Variants in GALNT13 observed in about 807,000 individuals in gnomAD.
The protein encoded by GALNT13 is polypeptide N-acetylgalactosaminyltransferase 13.
GALNT13 carries 28 observed loss-of-function variants against 64.2 expected under a neutral mutation model. The ratio of observed to expected loss-of-function variants is 0.44; its 90% CI spans 0.32 to 0.60. The LOEUF is 0.60. GALNT13 is among the 20% of genes least tolerant of loss of function. GALNT13 has a pLI of 0.05. For missense variants in GALNT13, 577 were observed against 669.8 expected, an observed-to-expected ratio of 0.86 and a Z score of 1.53; for synonymous variants, 214 against 224.6, an observed-to-expected ratio of 0.95 and a Z score of 0.42.
At chr2:153,866,311 T>TAA in the GALNT13 span, among the ~76,000 whole-genome samples, 11 of 150,464 alleles carry the variant, frequency 7.3e-5, no homozygotes, top group East Asian at 3.9e-4. Context: ...TAAAGTATAA[T>TAA]AAAAAAAAAT....
the GALNT13 span, among the ~76,000 whole-genome samples, chr2:153,670,716 G>A: frequency 3.7e-3 from 568 of 152,302 alleles, 2 homozygotes; most frequent in African/African-American, 0.013. Context: ...CAAGTTGACA[G>A]AAGTAGGCTT....
chr2:154,277,033 G>A (rs972207477), intron 8 of GALNT13, among the ~76,000 whole-genome samples: 25 of 152,156 alleles, frequency 1.6e-4, no homozygotes, highest in African/African-American at 5.8e-4. Context: ...CATGGGAACA[G>A]ACTAATACAC....
chr2:154,259,272 C>A, intron 8 of GALNT13, 134 bp downstream of exon 8: 1 of 645,996 alleles, frequency 1.5e-6, no homozygotes, highest in Non-Finnish European at 2.7e-6. Context: ...TATCTTAATT[C>A]ACATTTTGAT....
rs1689634890 is a variant in GALNT13 at position 154,243,968 on chromosome 2, C to T, written c.686+1063C>T. Among the ~76,000 whole-genome samples the T allele has an allele frequency of 2.0e-5, 3 of 152,172 alleles. No homozygotes were observed. The South Asian group carries it at 6.2e-4, about 32-fold the overall frequency. ...AAGAAAGCAGTAGGAACCTTTTAGT[C>T]CATAGAGTGTTGTACATGGCTAATA... On this transcript the variant is annotated intron_variant, in intron 6 of 12. Transcript: ENST00000392825.
chr2:153,404,445 A>C, the GALNT13 span, among the ~76,000 whole-genome samples: 3 of 152,176 alleles, frequency 2.0e-5, no homozygotes, highest in Non-Finnish European at 4.4e-5. Context: ...TTTGTTAAGC[A>C]AGTTGTATTT....
the GALNT13 span, among the ~76,000 whole-genome samples, chr2:153,402,410 A>G: frequency 6.6e-6 from 1 of 150,590 alleles, no homozygotes; most frequent in East Asian, 1.9e-4. Flanking sequence ...TGTGTCTTGG[A>G]GTTGCTCTTC....
At chr2:153,879,619 C>T (rs576437365) in intron 1 of GALNT13, among the ~76,000 whole-genome samples, 66 of 152,024 alleles carry the variant, frequency 4.3e-4, no homozygotes, top group African/African-American at 1.5e-3. Context: ...GTAGTCCTCC[C>T]GCCTCAGCCT....
chr2:154,127,590 G>A, intron 3 of GALNT13, among the ~76,000 whole-genome samples: 1 of 151,470 alleles, frequency 6.6e-6, no homozygotes, highest in Non-Finnish European at 1.5e-5. Flanking sequence ...AAAAAGGAGA[G>A]TCAATAAAGA....
At chr2:154,115,072 T>C (rs1460832549) in intron 3 of GALNT13, among the ~76,000 whole-genome samples, 1 of 152,180 alleles carries the variant, frequency 6.6e-6, no homozygotes, top group Admixed American at 6.5e-5. Context: ...TCACAAGGCA[T>C]TGGTCAAGGG....
intron 3 of GALNT13, among the ~76,000 whole-genome samples, chr2:153,958,875 C>T (rs1692752646): frequency 6.6e-6 from 1 of 152,172 alleles, no homozygotes. Flanking sequence ...CCCTGAATTG[C>T]AGGAGAATTT....
the GALNT13 span, among the ~76,000 whole-genome samples, chr2:153,197,577 G>A: frequency 7.2e-5 from 11 of 152,354 alleles, no homozygotes; most frequent in South Asian, 6.2e-4. Flanking sequence ...GTTCTCAGGC[G>A]CCCAGTGCTG....
intron 3 of GALNT13, among the ~76,000 whole-genome samples, chr2:154,073,961 A>G (rs1235147029): frequency 1.3e-5 from 2 of 151,952 alleles, no homozygotes; most frequent in Non-Finnish European, 2.9e-5. Flanking sequence ...TTAAATGAAC[A>G]AAATGCCATT....
intron 8 of GALNT13, among the ~76,000 whole-genome samples, chr2:154,286,288 T>G (rs1412879778): frequency 6.6e-6 from 1 of 152,256 alleles, no homozygotes; most frequent in Non-Finnish European, 1.5e-5. Context: ...CATTTCACTG[T>G]TGAGTCTGAT....
the GALNT13 span, among the ~76,000 whole-genome samples, chr2:153,642,316 G>A: frequency 9.9e-5 from 15 of 151,726 alleles, no homozygotes; most frequent in Admixed American, 3.3e-4. Flanking sequence ...ATATGCGTGA[G>A]TTACTTTTCA....
chr2:153,425,540 T>C, the GALNT13 span, among the ~76,000 whole-genome samples: 1 of 151,786 alleles, frequency 6.6e-6, no homozygotes, highest in Admixed American at 6.6e-5. Context: ...GAAATAAATA[T>C]TAAAATGTTT....
chr2:153,396,243 G>C, the GALNT13 span, among the ~76,000 whole-genome samples: 1 of 152,082 alleles, frequency 6.6e-6, no homozygotes, highest in Non-Finnish European at 1.5e-5. Context: ...GCTAGGCACA[G>C]GGAATATGTA....
intron 3 of GALNT13, among the ~76,000 whole-genome samples, chr2:154,066,916 TAAC>T (rs1179940566): frequency 2.0e-5 from 3 of 151,946 alleles, no homozygotes; most frequent in East Asian, 1.9e-4. Flanking sequence ...TCAAAAGTAA[TAAC>T]AACAACTTTC....
the GALNT13 span, among the ~76,000 whole-genome samples, chr2:153,645,099 T>C: frequency 6.6e-6 from 1 of 152,132 alleles, no homozygotes; most frequent in Non-Finnish European, 1.5e-5. Flanking sequence ...ATTAAAAACA[T>C]TCATAAAAAT....
intron 3 of GALNT13, among the ~76,000 whole-genome samples, chr2:154,017,114 C>T (rs190359048): frequency 3.3e-5 from 5 of 152,204 alleles, no homozygotes; most frequent in Admixed American, 3.3e-4. Flanking sequence ...AGAGTATCCA[C>T]AGGGAGCTGT....
Sources: allele counts gnomAD v4.1 joint callset (sites outside exome capture counted in the v4.1 genomes callset), GRCh38; gene constraint gnomAD v4.1.1; transcripts MANE v1.5; gene names NCBI Gene and HGNC (gene_info 2026-07-23, HGNC 2026-07-21).